EYA4: variants seen among roughly 807,000 people sequenced by gnomAD.
The protein encoded by EYA4 is protein phosphatase EYA4.
EYA4 carries 31 observed loss-of-function variants against 87.9 expected under a neutral mutation model. That is an observed-to-expected ratio of 0.35 (90% CI 0.27 to 0.48). EYA4 has a LOEUF of 0.48. EYA4 is among the 20% of genes least tolerant of loss of function. EYA4 has a pLI of 0.99. For synonymous variants in EYA4, 263 were observed against 270.6 expected (o/e 0.97, Z 0.28); for missense variants, 678 against 761.4 (o/e 0.89, Z 1.29).
chr6:133,301,222 C>A (rs1582893235), intron 2 of EYA4, among the ~76,000 whole-genome samples: 1 of 152,106 alleles, frequency 6.6e-6, no homozygotes, highest in Admixed American at 6.6e-5. Flanking sequence ...AACATGTAAA[C>A]TATTCATTCA....
intron 3 of EYA4, among the ~76,000 whole-genome samples, chr6:133,383,171 A>C (rs1786381856): frequency 6.6e-6 from 1 of 152,192 alleles, no homozygotes; most frequent in African/African-American, 2.4e-5. Context: ...CAGTTGAGAG[A>C]TGGGTCTCGT....
intron 3 of EYA4, among the ~76,000 whole-genome samples, chr6:133,416,024 C>G (rs1302002242): frequency 6.6e-6 from 1 of 152,126 alleles, no homozygotes; most frequent in Admixed American, 6.5e-5. Context: ...GTAAGGTTTT[C>G]CGAGTAGAGT....
At chr6:133,486,858 C>T (rs1032354571) in intron 13 of EYA4, among the ~76,000 whole-genome samples, 8 of 152,214 alleles carry the variant, frequency 5.3e-5, no homozygotes, top group African/African-American at 9.6e-5. Flanking sequence ...CACTGATTGT[C>T]CTCCCTGCAG....
intron 3 of EYA4, among the ~76,000 whole-genome samples, chr6:133,417,824 G>A (rs76329896): frequency 0.023 from 3,498 of 152,304 alleles, 132 homozygotes; most frequent in African/African-American, 0.08. Flanking sequence ...AGTGTGAGGA[G>A]CTGAGGTGGG....
chr6:133,378,125 A>G (rs1365483832), intron 2 of EYA4, among the ~76,000 whole-genome samples: 1 of 152,092 alleles, frequency 6.6e-6, no homozygotes, highest in African/African-American at 2.4e-5. Flanking sequence ...TTTGTATATC[A>G]ATCATACCTC....
intron 2 of EYA4, among the ~76,000 whole-genome samples, chr6:133,308,551 T>C (rs2128327177): frequency 6.6e-6 from 1 of 152,308 alleles, no homozygotes. Flanking sequence ...CTCCTTCCCC[T>C]TTCTAATGGC....
intron 3 of EYA4, among the ~76,000 whole-genome samples, chr6:133,422,462 A>G (rs1278942339): frequency 6.6e-6 from 1 of 152,206 alleles, no homozygotes; most frequent in Non-Finnish European, 1.5e-5. Flanking sequence ...CTCATTTATT[A>G]TAACCGCTGT....
At chr6:133,478,314 A>G (rs911847924) in intron 11 of EYA4, among the ~76,000 whole-genome samples, 5 of 152,132 alleles carry the variant, frequency 3.3e-5, no homozygotes, top group Admixed American at 3.3e-4. Flanking sequence ...ATGCATACCC[A>G]AGAAGAATTA....
intron 2 of EYA4, among the ~76,000 whole-genome samples, chr6:133,371,183 A>G (rs947931178): frequency 2.6e-5 from 4 of 152,174 alleles, no homozygotes; most frequent in Admixed American, 2.0e-4. Context: ...TCTTGTGAGA[A>G]CAACACAATT....
intron 2 of EYA4, among the ~76,000 whole-genome samples, chr6:133,336,022 C>G (rs1782339822): frequency 6.6e-6 from 1 of 152,016 alleles, no homozygotes; most frequent in East Asian, 1.9e-4. Flanking sequence ...ATTCATGAAT[C>G]CAAAATGATG....
At chr6:133,275,923 T>C (rs1777129703) in intron 2 of EYA4, among the ~76,000 whole-genome samples, 1 of 152,202 alleles carries the variant, frequency 6.6e-6, no homozygotes, top group African/African-American at 2.4e-5. Flanking sequence ...GGTAGAGATA[T>C]ATTCCTCTAG....
chr6:133,425,061 A>C (rs1269169251), intron 3 of EYA4, among the ~76,000 whole-genome samples: 1 of 150,842 alleles, frequency 6.6e-6, no homozygotes, highest in South Asian at 2.1e-4. Flanking sequence ...ATTGCTGAGC[A>C]GTATTCCTTT....
intron 2 of EYA4, among the ~76,000 whole-genome samples, chr6:133,333,057 A>G (rs1782101922): frequency 4.6e-5 from 7 of 152,090 alleles, no homozygotes; most frequent in Admixed American, 4.6e-4. Flanking sequence ...TTCTTTCAAT[A>G]TTGTGCTAAA....
chr6:133,392,103 A>C (rs1302357193), intron 3 of EYA4, among the ~76,000 whole-genome samples: 1 of 152,130 alleles, frequency 6.6e-6, no homozygotes, highest in Non-Finnish European at 1.5e-5. Flanking sequence ...AAGTAAGAGG[A>C]ACTCAGTTCC....
intron 2 of EYA4, among the ~76,000 whole-genome samples, chr6:133,373,302 T>A (rs1398776243): frequency 6.6e-6 from 1 of 152,064 alleles, no homozygotes; most frequent in East Asian, 1.9e-4. Flanking sequence ...TGAGTTTTTC[T>A]TAACCTTGTG....
chr6:133,496,793 C>T (rs188504448), intron 13 of EYA4, among the ~76,000 whole-genome samples: 24 of 152,266 alleles, frequency 1.6e-4, no homozygotes, highest in African/African-American at 5.3e-4. Context: ...AGAGAAAATT[C>T]ATAAAAATAT....
At chr6:133,335,043 G>C (rs1301366391) in intron 2 of EYA4, among the ~76,000 whole-genome samples, 1 of 152,194 alleles carries the variant, frequency 6.6e-6, no homozygotes, top group Admixed American at 6.5e-5. Context: ...TGTTAGGTGA[G>C]AGAATTCTTA....
At chr6:133,523,292 A>G (rs929047665) in intron 18 of EYA4, 115 bp downstream of exon 18, 2 of 1,086,146 alleles carry the variant, frequency 1.8e-6, no homozygotes, top group Non-Finnish European at 1.4e-6. Flanking sequence ...ATAAAGTTCA[A>G]ATTACAAAGT....
At chr6:133,465,686 A>G (rs920714852) in intron 10 of EYA4, among the ~76,000 whole-genome samples, 3 of 152,150 alleles carry the variant, frequency 2.0e-5, no homozygotes, top group African/African-American at 7.2e-5. Flanking sequence ...TGGTCTGGCA[A>G]TACACTATTT....
Sources: gnomAD v4.1 joint callset for allele counts (sites outside exome capture counted in the v4.1 genomes callset) on GRCh38, gnomAD v4.1.1 for gene constraint, MANE v1.5 for transcripts, NCBI Gene and HGNC (gene_info 2026-07-23, HGNC 2026-07-21) for gene names.